The following CAMK1D variants were observed in gnomAD, a reference collection of about 807,000 sequenced individuals.
CAMK1D encodes calcium/calmodulin dependent protein kinase ID.
Under a neutral mutation model 47.7 loss-of-function variants are expected in CAMK1D, and 9 were observed. The observed-to-expected ratio is 0.19, with a 90% confidence interval of 0.11 to 0.33. The LOEUF (loss-of-function observed/expected upper bound fraction) is 0.33, where lower values mean the gene tolerates loss of function less well. CAMK1D is among the 10% of genes least tolerant of loss of function. CAMK1D has a pLI of 1.00. For synonymous variants in CAMK1D, 184 were observed against 184.9 expected (o/e 0.99, Z 0.04); for missense variants, 291 against 488.7 (o/e 0.60, Z 3.81).
At chr10:12,670,571 C>T (rs571469869) in intron 3 of CAMK1D, among the ~76,000 whole-genome samples, 182 of 150,148 alleles carry the variant, frequency 1.2e-3, no homozygotes, top group Middle Eastern at 3.4e-3. Context: ...TTTTTTGAGA[C>T]GGATTCTCAC....
At chr10:12,474,589 A>G (rs1470729293) in intron 1 of CAMK1D, among the ~76,000 whole-genome samples, 1 of 151,926 alleles carries the variant, frequency 6.6e-6, no homozygotes. Flanking sequence ...AGATATTATT[A>G]TTTTTGTTGT....
In CAMK1D at chr10:12,734,391, G is replaced by T. The variant is rs796300389; in HGVS notation, c.300-26557G>T. ...ATATATATATATAGATATAGATATA[G>T]ATATATATATATATACACACACACA... On this transcript the variant is annotated intron_variant, in intron 3 of 10. Transcript: ENST00000619168. Among the ~76,000 whole-genome samples the T allele has an allele frequency of 3.7e-3, 89 of 24,330 alleles. 4 individuals are homozygous for T. The highest frequency in any genetic ancestry group is 0.012 in the African/African-American group (77 of 6,502). 16.0% of individuals were successfully genotyped at this position (24,330 alleles called of 152,430 possible). A position where few individuals can be genotyped will look rare whatever the true frequency, so the allele number is the denominator to read the frequency against.
intron 1 of CAMK1D, among the ~76,000 whole-genome samples, chr10:12,461,918 C>T (rs1169455953): frequency 1.3e-5 from 2 of 151,962 alleles, no homozygotes; most frequent in East Asian, 1.9e-4. Context: ...GGGAACTGTT[C>T]CCTGTTCTCT....
At chr10:12,716,749 T>C (rs373347307) in intron 3 of CAMK1D, among the ~76,000 whole-genome samples, 3 of 152,150 alleles carry the variant, frequency 2.0e-5, no homozygotes, top group East Asian at 1.9e-4. Flanking sequence ...TTTTTTTAAC[T>C]ATATTTCTGG....
At chr10:12,539,159 T>C (rs1297466158) in intron 1 of CAMK1D, among the ~76,000 whole-genome samples, 1 of 152,226 alleles carries the variant, frequency 6.6e-6, no homozygotes, top group Non-Finnish European at 1.5e-5. Flanking sequence ...CAAACTTTTA[T>C]TGATTGTTTT....
chr10:12,368,209 A>AAAT (rs1837903237), intron 1 of CAMK1D, among the ~76,000 whole-genome samples: 2 of 150,208 alleles, frequency 1.3e-5, no homozygotes, highest in African/African-American at 4.9e-5. Flanking sequence ...AAAAAAAAAA[A>AAAT]AAAAATAAAA....
chr10:12,470,254 A>G (rs1430250716), intron 1 of CAMK1D, among the ~76,000 whole-genome samples: 1 of 152,200 alleles, frequency 6.6e-6, no homozygotes, highest in East Asian at 1.9e-4. Context: ...AAAGTGTGCC[A>G]TGCCATTCCT....
intron 1 of CAMK1D, among the ~76,000 whole-genome samples, chr10:12,499,378 C>T (rs1356743915): frequency 6.6e-6 from 1 of 152,016 alleles, no homozygotes; most frequent in African/African-American, 2.4e-5. Context: ...GCCCACAATC[C>T]ATATCTGCAT....
rs374641997 is a variant in CAMK1D, at chr10:12,475,001, T to C, written c.93-78224T>C. Among the ~76,000 whole-genome samples, 10 of 152,288 alleles carry C rather than the reference T, an allele frequency of 6.6e-5. No individual in the cohort carries two copies. The East Asian group carries it at 1.9e-3, about 29-fold the overall frequency. On this transcript the variant is annotated intron_variant, in intron 1 of 10. Transcript: ENST00000619168. ...CACATTTTCTTTATCCAGTCTGCCA[T>C]TGATGGGCATTTAGGTTGATTCCAT...
chr10:12,425,977 C>G (rs910858766), intron 1 of CAMK1D, among the ~76,000 whole-genome samples: 1 of 152,236 alleles, frequency 6.6e-6, no homozygotes, highest in African/African-American at 2.4e-5. Context: ...AATTCAGGCT[C>G]ACTGGAGAAC....
intron 1 of CAMK1D, among the ~76,000 whole-genome samples, chr10:12,548,836 C>T (rs891025614): frequency 2.0e-5 from 3 of 151,906 alleles, no homozygotes; most frequent in Admixed American, 6.6e-5. Context: ...ACCATCAACC[C>T]CATGCATCTC....
chr10:12,584,582 G>A (rs574373129), intron 2 of CAMK1D, among the ~76,000 whole-genome samples: 1 of 152,148 alleles, frequency 6.6e-6, no homozygotes, highest in East Asian at 1.9e-4. Context: ...CACTTTGGGA[G>A]GCCAAGGCAG....
At position 12,349,923 on chromosome 10, in the gene CAMK1D, CG is replaced by C. The variant is rs561170167; in HGVS notation, c.92+17del. ...AGACCCTCGGAACGTAAGTGGGGAC[CG>C]GGGAGGCGAGGGTGGAGGTGGCCGC... On this transcript the variant is annotated intron_variant, in intron 1 of 10. Coordinates refer to ENST00000619168, the MANE Select transcript of CAMK1D (RefSeq NM_153498.4). The C allele has an allele frequency of 1.2e-4, 186 of 1,513,142 alleles. No homozygotes were observed. In the East Asian group the frequency reaches 4.9e-3, roughly 40 times the overall value. 93.7% of individuals were successfully genotyped at this position (1,513,142 alleles called of 1,614,324 possible).
intron 3 of CAMK1D, among the ~76,000 whole-genome samples, chr10:12,700,363 A>G (rs1234651448): frequency 6.6e-6 from 1 of 152,202 alleles, no homozygotes; most frequent in Non-Finnish European, 1.5e-5. Flanking sequence ...GTGCTGTGCA[A>G]GAGGGAGAAG....
At chr10:12,357,495 T>C (rs916113111) in intron 1 of CAMK1D, among the ~76,000 whole-genome samples, 1 of 152,168 alleles carries the variant, frequency 6.6e-6, no homozygotes, top group Non-Finnish European at 1.5e-5. Flanking sequence ...TTTGTATTTT[T>C]GGTAGAGATT....
At chr10:12,653,755 T>G (rs1396810552) in intron 2 of CAMK1D, among the ~76,000 whole-genome samples, 1 of 152,210 alleles carries the variant, frequency 6.6e-6, no homozygotes, top group Non-Finnish European at 1.5e-5. Flanking sequence ...ATCTTTTTCT[T>G]TTACAATTGG....
chr10:12,575,696 C>T (rs1837469761), intron 2 of CAMK1D, among the ~76,000 whole-genome samples: 1 of 152,336 alleles, frequency 6.6e-6, no homozygotes, highest in Non-Finnish European at 1.5e-5. Context: ...GTCAGGCAGA[C>T]AGTCACAAGC....
rs113057496 is a variant in CAMK1D, at chr10:12,594,130, C to T, written c.224+40774C>T. 7.6e-3 allele frequency among the ~76,000 whole-genome samples: 1,164 copies of T among 152,206 alleles called. 5 individuals are homozygous for T. The highest frequency in any genetic ancestry group is 0.018 in the African/African-American group (727 of 41,516). ...GGCTGAGGTTGCAGTGAGCCGAGAT[C>T]GTGCCATTGCACTCTAATAACACAA... On this transcript the variant is annotated intron_variant, in intron 2 of 10. Coordinates refer to ENST00000619168, the MANE Select transcript of CAMK1D (RefSeq NM_153498.4).
intron 1 of CAMK1D, among the ~76,000 whole-genome samples, chr10:12,390,694 G>A (rs1838691124): frequency 6.6e-6 from 1 of 152,158 alleles, no homozygotes; most frequent in African/African-American, 2.4e-5. Flanking sequence ...CTTGGGTCAT[G>A]TCACGTGGGA....
Sources: gnomAD v4.1 joint callset for allele counts (sites outside exome capture counted in the v4.1 genomes callset) on GRCh38, gnomAD v4.1.1 for gene constraint, MANE v1.5 for transcripts, NCBI Gene and HGNC (gene_info 2026-07-23, HGNC 2026-07-21) for gene names.